RASA3: variants seen among roughly 807,000 people sequenced by gnomAD.
RASA3 encodes RAS p21 protein activator 3, also known as ras GTPase-activating protein 3.
Under a neutral mutation model 110.0 loss-of-function variants are expected in RASA3, and 73 were observed. That is an observed-to-expected ratio of 0.66 (90% CI 0.55 to 0.81). RASA3 has a LOEUF of 0.81. Ranked by LOEUF, RASA3 falls within the 30% of genes least tolerant of loss-of-function variation. RASA3 has a pLI of 0.00. For missense variants in RASA3, 976 were observed against 1,113.2 expected (o/e 0.88, Z 1.75); for synonymous variants, 500 against 451.4 (o/e 1.11, Z -1.37).
At chr13:113,995,686 C>T (rs1191972135) in intron 21 of RASA3, among the ~76,000 whole-genome samples, 1 of 87,736 alleles carries the variant, frequency 1.1e-5, no homozygotes, top group African/African-American at 4.7e-5. Context: ...TGATGGGGGC[C>T]CGGCTGATGG....
rs1486836967 is a variant in RASA3 at position 114,013,993 on chromosome 13, T to G, written c.1406-745A>C. On this transcript the variant is annotated intron_variant, in intron 14 of 23. Transcript: ENST00000334062. ...CTCCGTCTCGATCTCTCTCTCCATCTCTCTCCGTCTGTCTCTGTCTCTCTC... is the reference window on the plus strand; with the variant it reads ...CTCCGTCTCGATCTCTCTCTCCATCGCTCTCCGTCTGTCTCTGTCTCTCTC... Among the ~76,000 whole-genome samples the G allele has an allele frequency of 2.1e-5, 3 of 144,542 alleles. No homozygotes were observed. In the East Asian group the frequency reaches 6.2e-4, roughly 30 times the overall value. 94.8% of individuals were successfully genotyped at this position (144,542 alleles called of 152,430 possible).
At chr13:114,099,018 G>GGTCAGAA (rs1288314093) in intron 1 of RASA3, among the ~76,000 whole-genome samples, 113 of 47,844 alleles carry the variant, frequency 2.4e-3, no homozygotes, top group African/African-American at 2.8e-3. Context: ...CCAGACCACA[G>GGTCAGAA]CAGTCGGGGC....
chr13:114,026,022 C>T (rs916285320), intron 7 of RASA3, among the ~76,000 whole-genome samples: 3 of 152,234 alleles, frequency 2.0e-5, no homozygotes, highest in African/African-American at 4.8e-5. Context: ...CAGCGAGGTC[C>T]GGGCCTTCCC....
intron 1 of RASA3, among the ~76,000 whole-genome samples, chr13:114,091,734 T>G (rs533136600): frequency 6.6e-6 from 1 of 152,204 alleles, no homozygotes; most frequent in Admixed American, 6.5e-5. Flanking sequence ...TGCTTGAGTT[T>G]GGAAGTATCC....
At chr13:114,002,326 G>A (rs908153988) in intron 18 of RASA3, among the ~76,000 whole-genome samples, 8 of 152,244 alleles carry the variant, frequency 5.3e-5, no homozygotes, top group African/African-American at 7.2e-5. Context: ...CTGTTCAAGA[G>A]AGAAAAGGGC....
chr13:114,037,377 G>T (rs1187612513), intron 4 of RASA3, among the ~76,000 whole-genome samples: 1 of 152,188 alleles, frequency 6.6e-6, no homozygotes, highest in Non-Finnish European at 1.5e-5. Context: ...CGACCCGGAG[G>T]ATGTCACGCA....
rs1219348152 is a variant in RASA3 at position 114,056,599 on chromosome 13, G to T, written c.174-4444C>A. ...TTGGCAGTGGGGGGCTCGGTGGGGGGAGGCCCGTGCTGGCTGGGCACCTGG... is the reference window on the plus strand; with the variant it reads ...TTGGCAGTGGGGGGCTCGGTGGGGGTAGGCCCGTGCTGGCTGGGCACCTGG... On this transcript the variant is annotated intron_variant, in intron 2 of 23. Coordinates refer to ENST00000334062, the MANE Select transcript of RASA3 (RefSeq NM_007368.4). This position sits in a 1 kb window ranked among gnomAD's most constrained non-coding sequence, Gnocchi z 5.7. 2.0e-6 allele frequency: 2 copies of T among 984,436 alleles called. No individual in the cohort carries two copies. Among genetic ancestry groups the T allele is most frequent in the African/African-American group, 3.5e-5 (2 of 56,896 alleles). The allele number at this position is 984,436 out of a possible 1,614,324, so 61.0% of individuals were successfully genotyped here. A position where few individuals can be genotyped will look rare whatever the true frequency, so the allele number is the denominator to read the frequency against.
At chr13:114,029,729 G>A (rs1055943996) in intron 5 of RASA3, 82 bp downstream of exon 5, 1 of 1,289,460 alleles carries the variant, frequency 7.8e-7, no homozygotes, top group African/African-American at 1.5e-5. Context: ...CTTGTGCGTT[G>A]GTGTGAAAAC....
intron 18 of RASA3, among the ~76,000 whole-genome samples, chr13:114,002,861 CAG>C (rs1594301912): frequency 6.6e-6 from 1 of 152,208 alleles, no homozygotes; most frequent in Non-Finnish European, 1.5e-5. Flanking sequence ...AGGCTGAAAG[CAG>C]CTCGGCCCCG....
intron 1 of RASA3, among the ~76,000 whole-genome samples, chr13:114,125,567 G>A (rs1295689485): frequency 2.0e-5 from 3 of 152,176 alleles, no homozygotes; most frequent in Non-Finnish European, 4.4e-5. Flanking sequence ...CTTCCCACCA[G>A]GCCCCACTTC....
chr13:113,982,935 T>C (rs549213407), intron 22 of RASA3, among the ~76,000 whole-genome samples: 4 of 152,280 alleles, frequency 2.6e-5, no homozygotes, highest in African/African-American at 9.6e-5. Flanking sequence ...AGGCCTTCAA[T>C]CTGGGAAGTG....
At chr13:114,066,972 G>T (rs1370801975) in intron 2 of RASA3, among the ~76,000 whole-genome samples, 1 of 149,526 alleles carries the variant, frequency 6.7e-6, no homozygotes, top group Non-Finnish European at 1.5e-5. Context: ...CTGAGGACAG[G>T]CCCCCCTACC....
At chr13:114,038,721 G>A (rs1425816925) in intron 4 of RASA3, among the ~76,000 whole-genome samples, 1 of 139,016 alleles carries the variant, frequency 7.2e-6, no homozygotes, top group East Asian at 1.9e-4. Flanking sequence ...CCCAGAGGAC[G>A]AGGGTTCCCA....
intron 21 of RASA3, among the ~76,000 whole-genome samples, chr13:113,994,926 A>T (rs1472172641): frequency 6.6e-6 from 1 of 152,194 alleles, no homozygotes; most frequent in East Asian, 1.9e-4. Flanking sequence ...GTGAGCTGAG[A>T]TTGCACCACT....
At chr13:114,066,379 G>A (rs2079449593) in intron 2 of RASA3, among the ~76,000 whole-genome samples, 1 of 152,204 alleles carries the variant, frequency 6.6e-6, no homozygotes. Context: ...CCAGGGGCAG[G>A]AGAGAGGGCC....
In RASA3 at chr13:114,018,184, C is replaced by G. The variant is rs746240162; in HGVS notation, c.1011G>C (p.Pro337=). The part of the protein sequence containing the change: ...VCREKQEAAV[P]LVRLFLHYGR... ...CATAGTGTAGGAAGAGCCGCACCAGCGGGACGGCCGCCTCCTGCTTCTCCC... is the reference window on the plus strand; with the variant it reads ...CATAGTGTAGGAAGAGCCGCACCAGGGGGACGGCCGCCTCCTGCTTCTCCC... The change falls in exon 11 of 24, where the codon CCG becomes CCC. Residue 337 remains proline (P), a synonymous_variant. Coordinates refer to ENST00000334062, the MANE Select transcript of RASA3 (RefSeq NM_007368.4). 5.8e-6 allele frequency: 9 copies of G among 1,552,104 alleles called. No homozygotes were observed. Among genetic ancestry groups the G allele is most frequent in the Non-Finnish European group, 7.8e-6 (9 of 1,148,046 alleles).
At chr13:114,027,272 C>T (rs970058974) in intron 7 of RASA3, 117 bp downstream of exon 7, 2 of 929,868 alleles carry the variant, frequency 2.2e-6, no homozygotes, top group Admixed American at 5.0e-5. Context: ...GGGGCTCGCT[C>T]CTCTCCGGAA....
rs1396682794 is a variant in RASA3 at position 114,114,211 on chromosome 13, G to A, written c.55+18224C>T. ...ATGTCCGTGCAGGGGAGAGAGACCT[G>A]GCCTATCCTCAGCACAGCCCATGTG... On this transcript the variant is annotated intron_variant, in intron 1 of 23. Coordinates refer to ENST00000334062, the MANE Select transcript of RASA3 (RefSeq NM_007368.4). The surrounding 1 kb of genome is among the most constrained non-coding windows in gnomAD (Gnocchi z 4.8). 6.6e-6 allele frequency among the ~76,000 whole-genome samples: 1 copy of A among 152,232 alleles called. No homozygotes were observed. The highest frequency in any genetic ancestry group is 1.9e-4 in the East Asian group (1 of 5,200).
Position 114,011,272 on chromosome 13 carries a change from G to T in RASA3, c.1513-24C>A, listed in dbSNP as rs752189519. On this transcript the variant is annotated intron_variant, in intron 15 of 23. Coordinates refer to ENST00000334062, the MANE Select transcript of RASA3 (RefSeq NM_007368.4). The surrounding 1 kb of genome is among the most constrained non-coding windows in gnomAD (Gnocchi z 4.8). ...TCCTGGGGAGGCGGGAGCAAGAAAGGTCTATGTCAGCATCACAGAAATGCT... is the reference window on the plus strand; with the variant it reads ...TCCTGGGGAGGCGGGAGCAAGAAAGTTCTATGTCAGCATCACAGAAATGCT... 3 of 1,582,544 alleles carry T rather than the reference G, an allele frequency of 1.9e-6. No individual in the cohort carries two copies. Among genetic ancestry groups the T allele is most frequent in the Non-Finnish European group, 2.6e-6 (3 of 1,154,478 alleles).
Sources: gnomAD v4.1 joint callset for allele counts (sites outside exome capture counted in the v4.1 genomes callset) on GRCh38, gnomAD v4.1.1 for gene constraint, Gnocchi (gnomAD v3.1) non-coding constraint, MANE v1.5 for transcripts, NCBI Gene and HGNC (gene_info 2026-07-23, HGNC 2026-07-21) for gene names.